The following FAM185A variants were observed in gnomAD, a reference collection of about 807,000 sequenced individuals.
FAM185A encodes family with sequence similarity 185 member A, also known as protein FAM185A.
FAM185A carries 21 observed loss-of-function variants against 45.7 expected under a neutral mutation model. The ratio of observed to expected loss-of-function variants is 0.46; its 90% CI spans 0.33 to 0.66. The LOEUF is 0.66. Among genes scored for constraint, FAM185A ranks in the 30% least tolerant of loss-of-function variants. FAM185A has a pLI of 0.03. For synonymous variants in FAM185A, 117 were observed against 194.0 expected (o/e 0.60, Z 3.30); for missense variants, 305 against 485.4 (o/e 0.63, Z 3.49).
intron 6 of FAM185A, among the ~76,000 whole-genome samples, chr7:102,778,695 TTA>T (rs1443615998): frequency 2.6e-5 from 4 of 152,178 alleles, no homozygotes; most frequent in African/African-American, 9.7e-5. Flanking sequence ...GATTACAGTT[TTA>T]TGTTTTCTTC....
At chr7:102,821,563 G>T in the FAM185A span, among the ~76,000 whole-genome samples, 1 of 152,100 alleles carries the variant, frequency 6.6e-6, no homozygotes, top group African/African-American at 2.4e-5. Flanking sequence ...TTTCACATCT[G>T]CCTAATAGAA....
intron 4 of FAM185A, among the ~76,000 whole-genome samples, chr7:102,762,669 T>G (rs1055202879): frequency 6.6e-6 from 1 of 152,202 alleles, no homozygotes; most frequent in Non-Finnish European, 1.5e-5. Context: ...GCAAGTAGTC[T>G]TCTAAAAAAA....
intron 7 of FAM185A, among the ~76,000 whole-genome samples, chr7:102,798,357 T>TA (rs1310719136): frequency 2.0e-5 from 3 of 152,244 alleles, no homozygotes; most frequent in Non-Finnish European, 4.4e-5. Context: ...GAAGTTTCAG[T>TA]AAATTACTTA....
intron 2 of FAM185A, among the ~76,000 whole-genome samples, chr7:102,754,022 T>C (rs1316060971): frequency 6.6e-6 from 1 of 152,198 alleles, no homozygotes; most frequent in Non-Finnish European, 1.5e-5. Flanking sequence ...AGAATTATCC[T>C]TGAGATCATA....
the FAM185A span, chr7:102,822,165 G>A: frequency 1.2e-6 from 2 of 1,614,126 alleles, no homozygotes; most frequent in Non-Finnish European, 1.7e-6. Flanking sequence ...GCAGGTAATG[G>A]CATTTTGCCG....
At chr7:102,832,795 C>T in the FAM185A span, 1 of 1,610,520 alleles carries the variant, frequency 6.2e-7, no homozygotes, top group Non-Finnish European at 8.5e-7. Flanking sequence ...TGTCCCTTGG[C>T]AGTGCTTAAA....
Position 102,808,314 on chromosome 7 carries a change from G to C in FAM185A, c.1091G>C (p.Arg364Pro), listed in dbSNP as rs979654271. ...GGACTCATGAATCAAGCAAGCAAAC[G>C]TGAAAAATGGATTAAGGCTGATGCC... ...VTGLMNQASK[R>P]EKWIKADAPK... is the part of the protein sequence containing the mutation. Residue 364 changes from arginine to proline, a missense_variant, in exon 8 of 8, where the codon CGT (arginine) becomes CCT (proline). Around this residue, in one of 5 missense-constraint regions of FAM185A, gnomAD observed 66 missense variants for 74.6 expected, o/e 0.89. Coordinates refer to ENST00000413034, the MANE Select transcript of FAM185A (RefSeq NM_001145268.2). 3 of 1,551,576 alleles carry C rather than the reference G, an allele frequency of 1.9e-6. No individual in the cohort carries two copies. The highest frequency in any genetic ancestry group is 3.9e-5 in the Admixed American group (2 of 50,970).
At chr7:102,846,840 A>G in the FAM185A span, among the ~76,000 whole-genome samples, 1 of 152,188 alleles carries the variant, frequency 6.6e-6, no homozygotes, top group African/African-American at 2.4e-5. Flanking sequence ...TGCAGGGTAG[A>G]GAGCACAAAC....
intron 7 of FAM185A, among the ~76,000 whole-genome samples, chr7:102,797,333 C>T (rs1359132622): frequency 6.6e-6 from 1 of 151,218 alleles, no homozygotes; most frequent in African/African-American, 2.4e-5. Context: ...TGTGGTGGCA[C>T]GCGGCTGTAG....
chr7:102,749,371 C>G lies in FAM185A; in HGVS notation c.164C>G (p.Pro55Arg). 6.5e-7 allele frequency: 1 copy of G among 1,548,678 alleles called. No individual in the cohort carries two copies. Among genetic ancestry groups the G allele is most frequent in the Non-Finnish European group, 8.7e-7 (1 of 1,146,606 alleles). Residue 55 changes from proline to arginine, a missense_variant, in exon 1 of 8, where the codon CCT becomes CGT. Physicochemically the swap from Pro to Arg is moderately radical, Grantham distance 103. Coordinates refer to ENST00000413034, the MANE Select transcript of FAM185A (RefSeq NM_001145268.2). Reference protein sequence around the residue: ...ERWPGSETEVPPPGPGRRTLK... With the variant: ...ERWPGSETEVRPPGPGRRTLK... ...TGGCCCGGATCGGAGACTGAGGTCC[C>G]TCCGCCTGGCCCGGGGCGCCGAACT...
chr7:102,791,092 G>A (rs1416701416), intron 7 of FAM185A, among the ~76,000 whole-genome samples: 4 of 152,202 alleles, frequency 2.6e-5, no homozygotes, highest in Non-Finnish European at 4.4e-5. Flanking sequence ...AGAGAGTAAA[G>A]GGGAAAGTGG....
chr7:102,797,714 C>A (rs1796519234), intron 7 of FAM185A, among the ~76,000 whole-genome samples: 2 of 152,134 alleles, frequency 1.3e-5, no homozygotes. Flanking sequence ...TAGCATGGCA[C>A]TTCCTATAGT....
intron 7 of FAM185A, among the ~76,000 whole-genome samples, chr7:102,805,065 C>G (rs747851215): frequency 6.6e-6 from 1 of 152,154 alleles, no homozygotes; most frequent in Non-Finnish European, 1.5e-5. Context: ...TCAGGTTAGA[C>G]TTCTACACTG....
At chr7:102,750,918 G>C (rs1032337989) in intron 1 of FAM185A, among the ~76,000 whole-genome samples, 2 of 151,986 alleles carry the variant, frequency 1.3e-5, no homozygotes, top group African/African-American at 4.8e-5. Context: ...TGTTTGTTTT[G>C]GTTTTTTTTG....
intron 7 of FAM185A, among the ~76,000 whole-genome samples, chr7:102,797,655 G>C (rs1796516071): frequency 6.6e-6 from 1 of 152,194 alleles, no homozygotes; most frequent in Admixed American, 6.5e-5. Context: ...TAAGCTTTGT[G>C]AGAGCACTGG....
chr7:102,796,368 G>A (rs1025315645), intron 7 of FAM185A, among the ~76,000 whole-genome samples: 1 of 152,258 alleles, frequency 6.6e-6, no homozygotes, highest in Non-Finnish European at 1.5e-5. Context: ...AATTTGGGCA[G>A]CTTCCAGCTG....
At chr7:102,783,176 C>T (rs1014526038) in intron 6 of FAM185A, among the ~76,000 whole-genome samples, 1 of 151,142 alleles carries the variant, frequency 6.6e-6, no homozygotes, top group African/African-American at 2.4e-5. Flanking sequence ...TACAAGGAGA[C>T]TTAGACTCCC....
chr7:102,764,059 G>A (rs1794247788), intron 4 of FAM185A, among the ~76,000 whole-genome samples: 1 of 152,204 alleles, frequency 6.6e-6, no homozygotes, highest in Non-Finnish European at 1.5e-5. Flanking sequence ...CAGCTTCTTT[G>A]TGTAATACTA....
chr7:102,796,025 C>T (rs1796421808), intron 7 of FAM185A, among the ~76,000 whole-genome samples: 1 of 151,994 alleles, frequency 6.6e-6, no homozygotes, highest in South Asian at 2.1e-4. Flanking sequence ...GAAATTCACG[C>T]AGAGCTGGCT....
Sources: allele counts gnomAD v4.1 joint callset (sites outside exome capture counted in the v4.1 genomes callset), GRCh38; gene constraint gnomAD v4.1.1; regional missense constraint gnomAD v4.1.1; transcripts MANE v1.5; gene names NCBI Gene and HGNC (gene_info 2026-07-23, HGNC 2026-07-21).